The following GTF2A1L variants were observed in gnomAD, a reference collection of about 807,000 sequenced individuals.
GTF2A1L encodes general transcription factor IIA subunit 1 like.
Under a neutral mutation model 49.7 loss-of-function variants are expected in GTF2A1L, and 48 were observed. That is an observed-to-expected ratio of 0.97 (90% CI 0.77 to 1.23). The LOEUF is 1.23. Ranked by LOEUF, GTF2A1L falls within the 50% of genes most tolerant of loss-of-function variation. The probability of loss-of-function intolerance (pLI) is 0.00; values close to 1 mark genes in which losing one functional copy is unlikely to be tolerated. For synonymous variants in GTF2A1L, 246 were observed against 193.5 expected (o/e 1.27, Z -2.25); for missense variants, 736 against 564.8 (o/e 1.30, Z -3.07).
Position 48,646,817 on chromosome 2 carries a change from A to G in GTF2A1L, c.753A>G (p.Pro251=), listed in dbSNP as rs926203419. The G allele has an allele frequency of 8.7e-6, 14 of 1,614,060 alleles. No individual in the cohort carries two copies. Among genetic ancestry groups the G allele is most frequent in the Middle Eastern group, 3.3e-4 (2 of 6,084 alleles). ...GTCTTCCAGGTGTTGTATTTTCTCC[A>G]CAGGTCTCTCAAACAAATTCTAATG... ...YISLPGVVFS[P]QVSQTNSNVE... is the part of the protein sequence containing the mutation. Residue 251 remains proline (P), a synonymous_variant, in exon 6 of 9, where the codon CCA becomes CCG. Transcript: ENST00000403751.
At chr2:48,637,258 T>C (rs906105761) in intron 3 of GTF2A1L, among the ~76,000 whole-genome samples, 1 of 152,180 alleles carries the variant, frequency 6.6e-6, no homozygotes, top group Non-Finnish European at 1.5e-5. Flanking sequence ...CATAAAACTA[T>C]AACTGCCGCA....
chr2:48,641,101 A>C lies in GTF2A1L; in HGVS notation c.248-1301A>C, dbSNP rs117806658. Among the ~76,000 whole-genome samples, 763 of 152,270 alleles carry C rather than the reference A, an allele frequency of 5.0e-3. 29 individuals are homozygous for C. The East Asian group carries it at 0.11, about 21-fold the overall frequency. On this transcript the variant is annotated intron_variant, in intron 3 of 8. Transcript: ENST00000403751. Reference sequence around the variant, plus strand: ...GGATGATTGTTGCTATTTTTTCTCAAGGAATTCATTTAATTGCTTTAGACA... The same window carrying C: ...GGATGATTGTTGCTATTTTTTCTCACGGAATTCATTTAATTGCTTTAGACA...
At chr2:48,654,437 C>T (rs1031072337) in intron 6 of GTF2A1L, among the ~76,000 whole-genome samples, 14 of 151,852 alleles carry the variant, frequency 9.2e-5, no homozygotes, top group African/African-American at 2.7e-4. Context: ...CTCGCTCTGT[C>T]GCCCAGGCTG....
rs1339526675 is a variant in GTF2A1L at position 48,629,578 on chromosome 2, A to G, written c.247+8288A>G. 1.4e-5 allele frequency among the ~76,000 whole-genome samples: 2 copies of G among 143,808 alleles called. 1 individual carries two copies. The highest frequency in any genetic ancestry group is 3.1e-5 in the Non-Finnish European group (2 of 63,864). 94.3% of individuals were successfully genotyped at this position (143,808 alleles called of 152,430 possible). The stretch of plus-strand genomic sequence containing the variant: ...AGATTAGCCCCTAGAACTTCTAACT[A>G]GGCACATAATTAGATACTAGCATAC... On this transcript the variant is annotated intron_variant, in intron 3 of 8. Transcript: ENST00000403751.
chr2:48,675,815 C>T (rs529465527), intron 8 of GTF2A1L, among the ~76,000 whole-genome samples: 1 of 151,704 alleles, frequency 6.6e-6, no homozygotes, highest in African/African-American at 2.4e-5. Context: ...AGCATGGTTT[C>T]TTTATATATA....
intron 1 of GTF2A1L, among the ~76,000 whole-genome samples, chr2:48,618,489 C>G (rs1225794212): frequency 2.6e-5 from 4 of 152,126 alleles, no homozygotes; most frequent in Non-Finnish European, 5.9e-5. Context: ...AAACCTGAAT[C>G]AAAGAACAAA....
chr2:48,671,490 C>A (rs916162339), intron 7 of GTF2A1L, 101 bp from the exon 8 acceptor site: 1 of 1,226,972 alleles, frequency 8.2e-7, no homozygotes. Context: ...AGGAATGAGC[C>A]ACCACGCCGA....
chr2:48,619,369 C>T (rs888619479), intron 1 of GTF2A1L, among the ~76,000 whole-genome samples: 15 of 151,596 alleles, frequency 9.9e-5, no homozygotes, highest in Non-Finnish European at 2.2e-4. Flanking sequence ...ACTCTGGATG[C>T]TGAGACAGGA....
chr2:48,644,715 C>T (rs1677395439), intron 4 of GTF2A1L, among the ~76,000 whole-genome samples: 1 of 152,128 alleles, frequency 6.6e-6, no homozygotes, highest in Non-Finnish European at 1.5e-5. Flanking sequence ...ATCAGTCTTT[C>T]AAATTTTTGC....
chr2:48,622,504 TG>T (rs1394184984), intron 3 of GTF2A1L, among the ~76,000 whole-genome samples: 2 of 152,054 alleles, frequency 1.3e-5, no homozygotes, highest in African/African-American at 4.8e-5. Context: ...ATGCTAAAGA[TG>T]TTTTTTTAAC....
intron 6 of GTF2A1L, among the ~76,000 whole-genome samples, chr2:48,663,918 G>A (rs959703090): frequency 2.0e-5 from 3 of 152,092 alleles, no homozygotes; most frequent in African/African-American, 7.2e-5. Flanking sequence ...TGGTCTAAAG[G>A]TATTGTTTTT....
chr2:48,633,978 G>T (rs1257516369), intron 3 of GTF2A1L, among the ~76,000 whole-genome samples: 1 of 151,900 alleles, frequency 6.6e-6, no homozygotes, highest in African/African-American at 2.4e-5. Context: ...CTATTTGCTT[G>T]GTGGATCACT....
At chr2:48,670,045 C>T (rs1286876046) in intron 7 of GTF2A1L, 63 bp downstream of exon 7, 1 of 1,528,376 alleles carries the variant, frequency 6.5e-7, no homozygotes, top group Non-Finnish European at 8.8e-7. Context: ...CTTTATTATG[C>T]CTTGGAACCA....
intron 4 of GTF2A1L, among the ~76,000 whole-genome samples, chr2:48,643,444 C>G (rs1332457722): frequency 6.6e-6 from 1 of 152,104 alleles, no homozygotes; most frequent in Non-Finnish European, 1.5e-5. Context: ...CATTTCTTCA[C>G]TAAGAACAGC....
Position 48,646,906 on chromosome 2 carries a change from C to G in GTF2A1L, c.842C>G (p.Thr281Arg), listed in dbSNP as rs1677547895. 1 of 1,614,188 alleles carries G rather than the reference C, an allele frequency of 6.2e-7. No individual in the cohort carries two copies. The highest frequency in any genetic ancestry group is 8.5e-7 in the Non-Finnish European group (1 of 1,180,030). ...AQNLHDESLS[T>R]SPHGALHQHV... ...AATCTGCATGATGAGTCCCTCTCCA[C>G]AAGCCCTCATGGGGCTCTCCACCAG... Residue 281 changes from threonine to arginine, a missense_variant, in exon 6 of 9, where the codon ACA becomes AGA. Thr to Arg is a moderately conservative substitution (Grantham distance 71). Coordinates refer to ENST00000403751, the MANE Select transcript of GTF2A1L (RefSeq NM_006872.5).
At chr2:48,623,972 T>A (rs1439478276) in intron 3 of GTF2A1L, among the ~76,000 whole-genome samples, 1 of 152,180 alleles carries the variant, frequency 6.6e-6, no homozygotes, top group Non-Finnish European at 1.5e-5. Context: ...ACTATTTGGG[T>A]GACAGGATCA....
Position 48,646,517 on chromosome 2 carries a change from T to A in GTF2A1L, c.453T>A (p.Leu151=), listed in dbSNP as rs1241803867. The A allele has an allele frequency of 6.2e-7, 1 of 1,614,120 alleles. No individual in the cohort carries two copies. The highest frequency in any genetic ancestry group is 1.7e-5 in the Admixed American group (1 of 60,012). ...AGACTTCTGGAAGAGCAGGTATTCT[T>A]CAGCATCCAATTCAGCAAGTATTTC... The part of the protein sequence containing the change: ...VTETSGRAGI[L]QHPIQQVFQQ... The change falls in exon 6 of 9, where the codon CTT becomes CTA. Residue 151 remains leucine (L), a synonymous_variant. Transcript: ENST00000403751.
chr2:48,646,671 G>C lies in GTF2A1L; in HGVS notation c.607G>C (p.Gly203Arg), dbSNP rs1398973328. 2 of 1,614,094 alleles carry C rather than the reference G, an allele frequency of 1.2e-6. No individual in the cohort carries two copies. The highest frequency in any genetic ancestry group is 1.7e-6 in the Non-Finnish European group (2 of 1,179,998). ...ACAGCAACCCGCAATTCTACCTTCT[G>C]GGCCAGTAGATAGGAAACACTTAGA... ...VLQQPAILPS[G>R]PVDRKHLENA... Residue 203 changes from glycine (G) to arginine (R), a missense_variant, in exon 6 of 9, where the codon GGG becomes CGG. Physicochemically the swap from Gly to Arg is moderately radical, Grantham distance 125. Transcript: ENST00000403751.
At chr2:48,638,454 A>G (rs1677023706) in intron 3 of GTF2A1L, among the ~76,000 whole-genome samples, 1 of 152,236 alleles carries the variant, frequency 6.6e-6, no homozygotes. Flanking sequence ...TTCATCACAT[A>G]AACAAAACTA....
Sources: gnomAD v4.1 joint callset for allele counts (sites outside exome capture counted in the v4.1 genomes callset) on GRCh38, gnomAD v4.1.1 for gene constraint, MANE v1.5 for transcripts, NCBI Gene and HGNC (gene_info 2026-07-23, HGNC 2026-07-21) for gene names.